Variants in NOD2 observed in about 807,000 individuals in gnomAD.
The protein encoded by NOD2 is nucleotide-binding oligomerization domain-containing protein 2.
NOD2 carries 86 observed loss-of-function variants against 90.9 expected under a neutral mutation model. That is an observed-to-expected ratio of 0.95 (90% CI 0.79 to 1.13). NOD2 has a LOEUF of 1.13. Ranked by LOEUF, NOD2 falls within the 50% of genes most tolerant of loss-of-function variation. The pLI, the probability that NOD2 is intolerant of heterozygous loss-of-function variation, is 0.00. For synonymous variants in NOD2, 581 were observed against 554.6 expected, an observed-to-expected ratio of 1.05 and a Z score of -0.67; for missense variants, 1,238 against 1,283.8, an observed-to-expected ratio of 0.96 and a Z score of 0.55.
In NOD2 at chr16:50,719,906, C is replaced by G. The variant is rs545121947; in HGVS notation, c.2550-19C>G. 26 of 1,611,956 alleles carry G rather than the reference C, an allele frequency of 1.6e-5. No homozygotes were observed. The highest frequency in any genetic ancestry group is 1.4e-4 in the South Asian group (13 of 91,038). On this transcript the variant is annotated intron_variant, in intron 6 of 11. Coordinates refer to ENST00000647318, the MANE Select transcript of NOD2 (RefSeq NM_001370466.1). ...GCCTGCCGCTGTGTTCTCTCAGCCT[C>G]CTCTGTCTTCCCTTCCAGGCTGGGG...
At position 50,697,147 on chromosome 16, in the gene NOD2, AT is replaced by A. The variant is rs5743265; in HGVS notation, c.-8-2340del. The A allele has an allele frequency of 1.7e-3, 1,843 of 1,082,736 alleles. 16 individuals are homozygous for A. The African/African-American group carries it at 0.025, about 15-fold the overall frequency. 67.1% of individuals were successfully genotyped at this position (1,082,736 alleles called of 1,614,324 possible). On this transcript the variant is annotated intron_variant, in intron 1 of 11. Coordinates refer to ENST00000647318, the MANE Select transcript of NOD2 (RefSeq NM_001370466.1). ...CCTTGAAGGTGGGGTTGGTAGACAG[AT>A]CCAGGCTCACCAGTCCTGTGCCACT...
intron 3 of NOD2, chr16:50,710,154 C>T: frequency 5.1e-6 from 2 of 390,690 alleles, no homozygotes; most frequent in East Asian, 7.1e-5. Flanking sequence ...TATCAGAATA[C>T]AGGTCTTCCG....
chr16:50,725,719 A>G, intron 10 of NOD2, 147 bp downstream of exon 10: 1 of 706,542 alleles, frequency 1.4e-6, no homozygotes, highest in East Asian at 2.6e-5. Context: ...GTGGACAAGG[A>G]TTCCAGTGCA....
intron 1 of NOD2, chr16:50,697,653 A>C: frequency 2.5e-6 from 1 of 392,206 alleles, no homozygotes; most frequent in South Asian, 2.1e-5. Context: ...CAAGGAGGAG[A>C]ACTCCTTGGC....
intron 3 of NOD2, 129 bp from the exon 4 acceptor site, chr16:50,710,429 C>A: frequency 7.9e-7 from 1 of 1,271,290 alleles, no homozygotes; most frequent in Non-Finnish European, 1.1e-6. Context: ...ATGGAGGAGC[C>A]AGGATGGGCG....
At chr16:50,698,551 G>A (rs575278721) in intron 1 of NOD2, among the ~76,000 whole-genome samples, 1 of 152,202 alleles carries the variant, frequency 6.6e-6, no homozygotes, top group African/African-American at 2.4e-5. Context: ...CACGGGCTTG[G>A]GGCCCCCGTG....
At chr16:50,698,835 C>T (rs1963785685) in intron 1 of NOD2, among the ~76,000 whole-genome samples, 1 of 152,058 alleles carries the variant, frequency 6.6e-6, no homozygotes, top group South Asian at 2.1e-4. Context: ...ACTGCTGTAG[C>T]CTGAATCCAG....
intron 4 of NOD2, among the ~76,000 whole-genome samples, chr16:50,715,090 T>C (rs1292402638): frequency 6.6e-6 from 1 of 152,212 alleles, no homozygotes; most frequent in East Asian, 1.9e-4. Context: ...GAAGTGGCCA[T>C]AAGAGGCCCT....
intron 6 of NOD2, among the ~76,000 whole-genome samples, chr16:50,719,577 T>C (rs2150828498): frequency 6.6e-6 from 1 of 152,048 alleles, no homozygotes; most frequent in East Asian, 1.9e-4. Flanking sequence ...CACGATGGGG[T>C]CTGGATCGAG....
chr16:50,710,716 C>T lies in NOD2; in HGVS notation c.724C>T (p.Pro242Ser). 5 of 1,613,814 alleles carry T rather than the reference C, an allele frequency of 3.1e-6. No individual in the cohort carries two copies. The highest frequency in any genetic ancestry group is 4.2e-6 in the Non-Finnish European group (5 of 1,179,784). Residue 242 changes from proline (P) to serine (S), a missense_variant, in exon 4 of 12, where the codon CCG becomes TCG. By Grantham distance (74) the Pro-to-Ser change is moderately conservative (BLOSUM62 -1). This residue lies in a region of NOD2 where 567 missense variants were observed against 577.3 expected (regional missense o/e 0.98). Coordinates refer to ENST00000647318, the MANE Select transcript of NOD2 (RefSeq NM_001370466.1). ...GGCAGATGTGGGCATGGCTGGACCC[C>T]CGCAGAAGAGCCCAGCCACCCTGGG... is the stretch of plus-strand genomic sequence containing the variant. ...VWADVGMAGP[P>S]QKSPATLGLE...
In NOD2 at chr16:50,707,975, T is replaced by C. The variant is rs765487015; in HGVS notation, c.565+15T>C. ...GCCTTTGGAAGGTAGGTGTATGTTC[T>C]CAGTTAATCAGAAAGGGAAGGGCAG... On this transcript the variant is annotated intron_variant, in intron 3 of 11. Coordinates refer to ENST00000647318, the MANE Select transcript of NOD2 (RefSeq NM_001370466.1). 6.2e-5 allele frequency: 97 copies of C among 1,555,166 alleles called. No homozygotes were observed. In the East Asian group the frequency reaches 2.1e-3, roughly 34 times the overall value.
chr16:50,722,694 G>T lies in NOD2; in HGVS notation c.2706G>T (p.Leu902Phe). The change falls in exon 8 of 12, where the codon TTG (leucine) becomes TTT (phenylalanine). Residue 902 changes from leucine (L) to phenylalanine (F), a missense_variant. Coordinates refer to ENST00000647318, the MANE Select transcript of NOD2 (RefSeq NM_001370466.1). The stretch of plus-strand genomic sequence containing the variant: ...AAGCCTTGGGTGATCACCAGAGCTT[G>T]AGGTGGCTCAGGTAAGCTTCAGAGT... ...LAEALGDHQS[L>F]RWLSLVGNNI... 6.2e-7 allele frequency: 1 copy of T among 1,614,218 alleles called. No homozygotes were observed. The highest frequency in any genetic ancestry group is 8.5e-7 in the Non-Finnish European group (1 of 1,179,998).
rs903928432 is a variant in NOD2, at chr16:50,699,526, A to G, written c.31A>G (p.Arg11Gly). 3 of 1,613,814 alleles carry G rather than the reference A, an allele frequency of 1.9e-6. No homozygotes were observed. The highest frequency in any genetic ancestry group is 2.5e-6 in the Non-Finnish European group (3 of 1,179,992). Residue 11 changes from arginine (R) to glycine (G), a missense_variant, in exon 2 of 12, where the codon AGG becomes GGG. Around this residue, in one of 3 missense-constraint regions of NOD2, gnomAD observed 567 missense variants for 577.3 expected, o/e 0.98. Coordinates refer to ENST00000647318, the MANE Select transcript of NOD2 (RefSeq NM_001370466.1). MCSQEAFQAQRSQLVELLVSG... is the reference protein window; with the variant it reads MCSQEAFQAQGSQLVELLVSG... The stretch of plus-strand genomic sequence containing the variant: ...CTCGCAGGAGGCTTTTCAGGCACAG[A>G]GGAGCCAGCTGGTCGAGCTGCTGGT...
chr16:50,717,003 A>G (rs1964831425), intron 6 of NOD2, 29 bp downstream of exon 6: 1 of 1,609,590 alleles, frequency 6.2e-7, no homozygotes, highest in African/African-American at 1.3e-5. Context: ...TATTCCCTGG[A>G]AACTATTTTT....
At chr16:50,700,024 C>A in intron 2 of NOD2, 70 bp downstream of exon 2, 1 of 1,429,554 alleles carries the variant, frequency 7.0e-7, no homozygotes, top group South Asian at 1.2e-5. Context: ...ACTGATTTGT[C>A]CTCATGAAGT....
At chr16:50,695,604 G>A (rs924461262) in intron 1 of NOD2, among the ~76,000 whole-genome samples, 1 of 152,126 alleles carries the variant, frequency 6.6e-6, no homozygotes, top group Non-Finnish European at 1.5e-5. Flanking sequence ...TCTAGGGATG[G>A]AGTGATATGG....
At position 50,699,790 on chromosome 16, in the gene NOD2, C is replaced by G. The variant is rs781448444; in HGVS notation, c.295C>G (p.His99Asp). The G allele has an allele frequency of 6.8e-6, 11 of 1,613,688 alleles. No homozygotes were observed. The highest frequency in any genetic ancestry group is 9.3e-6 in the Non-Finnish European group (11 of 1,180,038). Residue 99 changes from histidine (H) to aspartate (D), a missense_variant, in exon 2 of 12, where the codon CAC (histidine) becomes GAC (aspartate). Physicochemically the swap from His to Asp is moderately conservative, Grantham distance 81. Around this residue, in one of 3 missense-constraint regions of NOD2, gnomAD observed 567 missense variants for 577.3 expected, o/e 0.98. Transcript: ENST00000647318. Reference protein sequence around the residue: ...SPKLHGCWDPHSLHPARDLQS... With the variant: ...SPKLHGCWDPDSLHPARDLQS... ...CAAGCTGCATGGCTGCTGGGACCCC[C>G]ACTCGCTCCACCCAGCCCGAGACCT...
At chr16:50,716,520 G>T (rs949881925) in intron 4 of NOD2, 67 bp from the exon 5 acceptor site, 167 of 1,420,610 alleles carry the variant, frequency 1.2e-4, no homozygotes, top group Admixed American at 5.4e-4. Context: ...GTCTTTTTGG[G>T]GGATTTGTAG....
At chr16:50,700,578 A>G (rs1216622627) in intron 2 of NOD2, among the ~76,000 whole-genome samples, 2 of 152,218 alleles carry the variant, frequency 1.3e-5, no homozygotes, top group East Asian at 3.9e-4. Flanking sequence ...TTCCTCATCT[A>G]CAAAACAATG....
Sources: gnomAD v4.1 joint callset for allele counts (sites outside exome capture counted in the v4.1 genomes callset) on GRCh38, gnomAD v4.1.1 for gene constraint, gnomAD v4.1.1 regional missense constraint, MANE v1.5 for transcripts, NCBI Gene and HGNC (gene_info 2026-07-23, HGNC 2026-07-21) for gene names.